The following KALRN variants were observed in gnomAD, a reference collection of about 807,000 sequenced individuals.
The protein encoded by KALRN is kalirin.
In KALRN, 70 loss-of-function variants were observed where a neutral mutation model predicts 353.7. The ratio of observed to expected loss-of-function variants is 0.20; its 90% CI spans 0.16 to 0.24. The LOEUF (loss-of-function observed/expected upper bound fraction) is 0.24. Among genes scored for constraint, KALRN ranks in the 10% least tolerant of loss-of-function variants. The pLI, the probability that KALRN is intolerant of heterozygous loss-of-function variation, is 1.00. For missense variants in KALRN, 2,791 were observed against 3,756.7 expected (o/e 0.74, Z 6.72); for synonymous variants, 1,391 against 1,434.8 (o/e 0.97, Z 0.69).
At chr3:124,531,672 C>A (rs776382103) in intron 33 of KALRN, among the ~76,000 whole-genome samples, 9 of 152,220 alleles carry the variant, frequency 5.9e-5, no homozygotes, top group Non-Finnish European at 1.3e-4. Flanking sequence ...TTTTAAACAA[C>A]CAAATCTCAC....
chr3:124,569,274 T>C (rs888098848), intron 34 of KALRN, among the ~76,000 whole-genome samples: 6 of 152,154 alleles, frequency 3.9e-5, no homozygotes, highest in African/African-American at 1.4e-4. Context: ...CTCCTGATGA[T>C]TTCTGCTGTT....
At chr3:124,404,650 CT>C (rs1389024759) in intron 13 of KALRN, among the ~76,000 whole-genome samples, 1 of 130,468 alleles carries the variant, frequency 7.7e-6, no homozygotes, top group Non-Finnish European at 1.6e-5. Context: ...CAAATTTAGT[CT>C]TTTTCTTTTT....
chr3:124,436,212 T>C (rs1038573656), intron 17 of KALRN, among the ~76,000 whole-genome samples: 5 of 152,302 alleles, frequency 3.3e-5, no homozygotes, highest in African/African-American at 9.6e-5. Flanking sequence ...TTGAGATGGA[T>C]CAAGATGGTG....
chr3:124,471,227 T>C (rs1309877481), intron 25 of KALRN, among the ~76,000 whole-genome samples: 2 of 151,142 alleles, frequency 1.3e-5, no homozygotes, highest in African/African-American at 4.9e-5. Context: ...TGTGGATTTA[T>C]TAAATCCTTA....
rs201798215 is a variant in KALRN, at chr3:124,490,895, C to T, written c.4587+11C>T. 1.9e-5 allele frequency: 30 copies of T among 1,601,994 alleles called. No individual in the cohort carries two copies. The highest frequency in any genetic ancestry group is 2.6e-5 in the Non-Finnish European group (30 of 1,174,656). On this transcript the variant is annotated intron_variant, in intron 30 of 59. Transcript: ENST00000682506. ...AAGAACAAGCTACTGGTAGGTGGGG[C>T]AGGTGGGGTAAGACAAGACTCCCTG...
intron 34 of KALRN, among the ~76,000 whole-genome samples, chr3:124,601,348 GA>G (rs1486527354): frequency 6.6e-6 from 1 of 152,182 alleles, no homozygotes; most frequent in Non-Finnish European, 1.5e-5. Context: ...AGCTTTAAAT[GA>G]GCCATTATGT....
chr3:124,584,765 C>T lies in KALRN; in HGVS notation c.5182+21676C>T, dbSNP rs2074966220. On this transcript the variant is annotated intron_variant, in intron 34 of 59. Coordinates refer to ENST00000682506, the MANE Select transcript of KALRN (RefSeq NM_001388419.1). ...GCGCTGAAGTTTCCTTCCCGCCGCG[C>T]TCTCACCCCGGGCTGGCGCCCCGTG... The T allele has an allele frequency of 4.5e-6, 7 of 1,553,918 alleles. 1 individual carries two copies. The South Asian group carries it at 7.1e-5, about 16-fold the overall frequency.
intron 1 of KALRN, among the ~76,000 whole-genome samples, chr3:124,224,850 A>G (rs2148456608): frequency 6.6e-6 from 1 of 152,362 alleles, no homozygotes; most frequent in South Asian, 2.1e-4. Flanking sequence ...AAAGTCTCAG[A>G]GTATTAGAGC....
At chr3:124,681,287 C>T (rs1360201473) in intron 51 of KALRN, among the ~76,000 whole-genome samples, 1 of 152,238 alleles carries the variant, frequency 6.6e-6, no homozygotes, top group Admixed American at 6.5e-5. Flanking sequence ...CACATCTTAA[C>T]TCTGCTTTGC....
At chr3:124,661,202 C>G (rs141674665) in intron 44 of KALRN, among the ~76,000 whole-genome samples, 6 of 152,272 alleles carry the variant, frequency 3.9e-5, no homozygotes, top group African/African-American at 1.4e-4. Flanking sequence ...CTTAGCCCCA[C>G]TGGTGTTCTT....
intron 5 of KALRN, among the ~76,000 whole-genome samples, chr3:124,279,888 G>T (rs9813330): frequency 0.19 from 29,466 of 152,146 alleles, 2,950 homozygotes; most frequent in South Asian, 0.29. Context: ...GGTTTGGGAT[G>T]CAGGGAGATG....
intron 6 of KALRN, among the ~76,000 whole-genome samples, chr3:124,325,640 C>T (rs960048138): frequency 6.6e-5 from 10 of 152,264 alleles, no homozygotes; most frequent in East Asian, 1.9e-4. Flanking sequence ...TTCCAAAGAA[C>T]GCTCTTGAGA....
chr3:124,684,106 C>T lies in KALRN; in HGVS notation c.7377+4589C>T, dbSNP rs576173936. Among the ~76,000 whole-genome samples, 4 of 152,226 alleles carry T rather than the reference C, an allele frequency of 2.6e-5. No individual in the cohort carries two copies. In the South Asian group the frequency reaches 8.3e-4, roughly 32 times the overall value. On this transcript the variant is annotated intron_variant, in intron 51 of 59. Coordinates refer to ENST00000682506, the MANE Select transcript of KALRN (RefSeq NM_001388419.1). ...TCGCAAACAGAAATTCTTTAGTGGA[C>T]CCAGTAAACAACTCTCTATTCCTCT...
chr3:124,316,268 C>G (rs2078800342), intron 6 of KALRN, among the ~76,000 whole-genome samples: 1 of 152,184 alleles, frequency 6.6e-6, no homozygotes, highest in Non-Finnish European at 1.5e-5. Context: ...TACCTGGTCT[C>G]TCTGCCTCCA....
intron 1 of KALRN, among the ~76,000 whole-genome samples, chr3:124,150,767 C>T (rs2067990338): frequency 6.6e-6 from 1 of 152,134 alleles, no homozygotes; most frequent in Non-Finnish European, 1.5e-5. Flanking sequence ...TGTACAGCTC[C>T]ACGGATTTTT....
chr3:124,589,500 G>A (rs1011889313), intron 34 of KALRN, among the ~76,000 whole-genome samples: 1 of 152,146 alleles, frequency 6.6e-6, no homozygotes, highest in African/African-American at 2.4e-5. Context: ...GGTTGAGGTG[G>A]GAGGATCGGT....
At chr3:124,127,867 A>G in intron 1 of KALRN, among the ~76,000 whole-genome samples, 1 of 152,182 alleles carries the variant, frequency 6.6e-6, no homozygotes, top group Non-Finnish European at 1.5e-5. Context: ...TATTACTATC[A>G]CACAGTCTTT....
At position 124,067,969 on chromosome 3, in the gene KALRN, C is replaced by T. The variant is rs1437860375; in HGVS notation, c.73+34156C>T. ...ACTGCACATGTTTCCTGAGGCCCTA[C>T]GCCATAGCTCAGCTGGTTGGCAGTG... is the stretch of plus-strand genomic sequence containing the variant. On this transcript the variant is annotated intron_variant, in intron 1 of 59. Coordinates refer to ENST00000682506, the MANE Select transcript of KALRN (RefSeq NM_001388419.1). Among the ~76,000 whole-genome samples the T allele has an allele frequency of 2.0e-5, 3 of 152,212 alleles. No individual in the cohort carries two copies. In the East Asian group the frequency reaches 5.8e-4, roughly 29 times the overall value.
At chr3:124,144,719 C>T (rs2067108478) in intron 1 of KALRN, among the ~76,000 whole-genome samples, 1 of 151,964 alleles carries the variant, frequency 6.6e-6, no homozygotes, top group South Asian at 2.1e-4. Flanking sequence ...TCCTCCCCTT[C>T]CCTCTTGTCT....
Sources: allele counts gnomAD v4.1 joint callset (sites outside exome capture counted in the v4.1 genomes callset), GRCh38; gene constraint gnomAD v4.1.1; transcripts MANE v1.5; gene names NCBI Gene and HGNC (gene_info 2026-07-23, HGNC 2026-07-21).